Variants in URB1 observed in about 807,000 individuals in gnomAD.
URB1 encodes the protein nucleolar pre-ribosomal-associated protein 1.
Under a neutral mutation model 242.3 loss-of-function variants are expected in URB1, and 197 were observed. The observed-to-expected ratio is 0.81, with a 90% CI of 0.72 to 0.91. The LOEUF is 0.91. Among genes scored for constraint, URB1 ranks in the 40% least tolerant of loss-of-function variants. URB1 has a pLI of 0.00. For synonymous variants in URB1, 1,153 were observed against 1,201.8 expected (o/e 0.96, Z 0.84); for missense variants, 2,721 against 2,860.5 (o/e 0.95, Z 1.11).
In URB1 at chr21:32,321,865, C is replaced by A; in HGVS notation, c.5420G>T (p.Arg1807Leu). Residue 1807 changes from arginine to leucine, a missense_variant, in exon 34 of 39, where the codon CGG (arginine) becomes CTG (leucine). By Grantham distance (102) the Arg-to-Leu change is moderately radical. Transcript: ENST00000382751. ...RDKQCYELCA[R>L]RGIFHIILSF... ...CAGGATGATGTGGAAGATGCCACGC[C>A]GGGCACACAGTTCGTAGCACTGCTT... The A allele has an allele frequency of 6.4e-7, 1 of 1,551,726 alleles. No homozygotes were observed. Among genetic ancestry groups the A allele is most frequent in the Non-Finnish European group, 8.7e-7 (1 of 1,147,016 alleles).
rs2033103038 is a variant in URB1 at position 32,347,376 on chromosome 21, GGT to G, written c.3446_3447del (p.His1149ProfsTer24). Reference protein sequence around the residue: ...QPTKSPGKERHLNALGKTLVQ... With the variant: ...QPTKSPGKERXLNALGKTLVQ... The stretch of plus-strand genomic sequence containing the variant: ...ACCAGGGTCTTTCCAAGAGCATTCA[GGT>G]GTCTTTCCTTCCCGGGGGATTTCGT... On this transcript the variant is annotated frameshift_variant, in exon 22 of 39. Coordinates refer to ENST00000382751, the MANE Select transcript of URB1 (RefSeq NM_014825.3). LOFTEE classifies it high-confidence loss of function. 2 of 1,551,354 alleles carry G rather than the reference GGT, an allele frequency of 1.3e-6. No individual in the cohort carries two copies. The highest frequency in any genetic ancestry group is 2.0e-5 in the Admixed American group (1 of 50,990).
At chr21:32,319,479 GCCCTCCATAATC>G (rs1274975576) in intron 35 of URB1, 65 bp from the exon 36 acceptor site, 42 of 1,401,344 alleles carry the variant, frequency 3.0e-5, no homozygotes, top group Non-Finnish European at 1.9e-6. Context: ...TCAGACTATC[GCCCTCCATAATC>G]CTATCTGCTC....
At chr21:32,381,008 A>T (rs2033517312) in intron 4 of URB1, among the ~76,000 whole-genome samples, 2 of 152,220 alleles carry the variant, frequency 1.3e-5, no homozygotes, top group Admixed American at 6.5e-5. Context: ...TATATCCCAG[A>T]CAACTCCAAA....
Position 32,311,927 on chromosome 21 carries a change from G to A in URB1, c.*2991C>T, listed in dbSNP as rs765792719. The A allele has an allele frequency of 6.2e-7, 1 of 1,613,746 alleles. No homozygotes were observed. Among genetic ancestry groups the A allele is most frequent in the East Asian group, 2.2e-5 (1 of 44,876 alleles). On this transcript the variant is annotated 3_prime_UTR_variant, in exon 39 of 39. Transcript: ENST00000382751. ...TCCTCTGGGAACTGACCCTCAATGG[G>A]GGTCCCCTCGTCAGGAGCAAGCCCA...
At chr21:32,350,643 G>C in intron 20 of URB1, 61 bp downstream of exon 20, 1 of 1,524,076 alleles carries the variant, frequency 6.6e-7, no homozygotes. Context: ...CCGACTCAGA[G>C]AAGGCTTAGC....
chr21:32,347,317 C>T lies in URB1; in HGVS notation c.3507G>A (p.Leu1169=). The T allele has an allele frequency of 1.9e-6, 3 of 1,551,314 alleles. No individual in the cohort carries two copies. Among genetic ancestry groups the T allele is most frequent in the Non-Finnish European group, 1.7e-6 (2 of 1,146,992 alleles). ...AGGACCACAGGAGCTCACCACTCTG[C>T]AGCTGATCCTGGGGGCTGCAGGTCA... ...QLLTCSPQDQ[L]QSGELLWSSE... Residue 1169 remains leucine, a synonymous_variant, in exon 22 of 39, where the codon CTG becomes CTA. Transcript: ENST00000382751.
At chr21:32,372,016 G>A (rs1009087093) in intron 8 of URB1, among the ~76,000 whole-genome samples, 7 of 152,158 alleles carry the variant, frequency 4.6e-5, no homozygotes, top group African/African-American at 1.7e-4. Flanking sequence ...GTCAAGGAGA[G>A]GGAGGACTGT....
chr21:32,321,072 T>G (rs2032759888), intron 34 of URB1, among the ~76,000 whole-genome samples: 1 of 152,236 alleles, frequency 6.6e-6, no homozygotes, highest in African/African-American at 2.4e-5. Flanking sequence ...TCCCCTGACT[T>G]GTTCATGGGG....
intron 1 of URB1, among the ~76,000 whole-genome samples, chr21:32,392,009 G>A (rs1022236396): frequency 1.3e-5 from 2 of 150,122 alleles, no homozygotes; most frequent in African/African-American, 5.0e-5. Flanking sequence ...GGGCAACAGA[G>A]CAAGACCCTG....
intron 19 of URB1, among the ~76,000 whole-genome samples, chr21:32,351,624 CTG>C (rs2033159679): frequency 1.3e-5 from 2 of 152,186 alleles, no homozygotes; most frequent in South Asian, 2.1e-4. Context: ...GGGCCAGACA[CTG>C]TGGCTGGAAC....
chr21:32,357,532 C>G lies in URB1; in HGVS notation c.1989+5G>C, dbSNP rs1568823519. The G allele has an allele frequency of 6.7e-7, 1 of 1,500,134 alleles. No homozygotes were observed. Among genetic ancestry groups the G allele is most frequent in the Non-Finnish European group, 8.9e-7 (1 of 1,128,610 alleles). The allele number at this position is 1,500,134 out of a possible 1,614,324, so 92.9% of individuals were successfully genotyped here. ...CAGAGTTAGAAACTGGTAGAAAATG[C>G]TCACCTTCATGATCAGAAGTTTGGT... On this transcript the variant is annotated splice_donor_5th_base_variant and intron_variant, in intron 15 of 38. Coordinates refer to ENST00000382751, the MANE Select transcript of URB1 (RefSeq NM_014825.3).
intron 1 of URB1, among the ~76,000 whole-genome samples, chr21:32,387,010 A>C (rs1222437778): frequency 6.6e-6 from 1 of 152,190 alleles, no homozygotes; most frequent in Non-Finnish European, 1.5e-5. Flanking sequence ...GCCCACAGTC[A>C]GTATGCCAAG....
chr21:32,328,815 G>A (rs1344041958), intron 30 of URB1, among the ~76,000 whole-genome samples: 4 of 152,106 alleles, frequency 2.6e-5, no homozygotes, highest in Non-Finnish European at 4.4e-5. Context: ...GAAAAGAGCC[G>A]CCCTCAGAAT....
At chr21:32,325,872 G>A (rs1197598886) in intron 30 of URB1, among the ~76,000 whole-genome samples, 1 of 152,108 alleles carries the variant, frequency 6.6e-6, no homozygotes, top group Non-Finnish European at 1.5e-5. Flanking sequence ...CAACCAGCCC[G>A]ACAAAGGACT....
rs2032613697 is a variant in URB1 at position 32,312,895 on chromosome 21, G to A, written c.*2023C>T. 1 of 152,132 alleles carries A rather than the reference G, an allele frequency of 6.6e-6. No homozygotes were observed. Among genetic ancestry groups the A allele is most frequent in the Admixed American group, 6.5e-5 (1 of 15,284 alleles). 9.4% of individuals were successfully genotyped at this position (152,132 alleles called of 1,614,324 possible). On this transcript the variant is annotated 3_prime_UTR_variant, in exon 39 of 39. Transcript: ENST00000382751. ...ATTTAGCATTTTATATTTTAAGTCA[G>A]GTGAAGACCATGTTCGATCTATTCT...
chr21:32,346,004 T>C (rs2033082307), intron 22 of URB1, among the ~76,000 whole-genome samples: 1 of 152,122 alleles, frequency 6.6e-6, no homozygotes, highest in African/African-American at 2.4e-5. Flanking sequence ...TGGGGTCTAA[T>C]GGGAGGTGTT....
At chr21:32,365,004 G>A (rs965309949) in intron 10 of URB1, among the ~76,000 whole-genome samples, 4 of 152,324 alleles carry the variant, frequency 2.6e-5, no homozygotes, top group East Asian at 3.9e-4. Flanking sequence ...TCCTTCCTTG[G>A]AGCCACTCCG....
intron 10 of URB1, among the ~76,000 whole-genome samples, chr21:32,363,826 C>CTT (rs879292364): frequency 6.8e-6 from 1 of 147,876 alleles, no homozygotes; most frequent in African/African-American, 2.5e-5. Context: ...TTCTGGCTTT[C>CTT]TTTTTTTTTT....
chr21:32,318,145 C>T (rs2032716394), intron 36 of URB1, among the ~76,000 whole-genome samples: 1 of 152,168 alleles, frequency 6.6e-6, no homozygotes, highest in African/African-American at 2.4e-5. Flanking sequence ...ACCTGCACCC[C>T]ACAGGCACAG....
Sources: allele counts gnomAD v4.1 joint callset (sites outside exome capture counted in the v4.1 genomes callset), GRCh38; gene constraint gnomAD v4.1.1; transcripts MANE v1.5; gene names NCBI Gene and HGNC (gene_info 2026-07-23, HGNC 2026-07-21).